Variants in RGS6 observed in about 807,000 individuals in gnomAD.
RGS6 encodes the protein regulator of G protein signaling 6, also known as regulator of G-protein signaling 6.
A neutral mutation model predicts 78.5 loss-of-function variants in RGS6; 30 were observed. The observed-to-expected ratio is 0.38, with a 90% confidence interval of 0.29 to 0.52. RGS6 has a LOEUF of 0.52. Among genes scored for constraint, RGS6 ranks in the 20% least tolerant of loss-of-function variants. The probability of loss-of-function intolerance (pLI) is 0.85; values close to 1 mark genes in which losing one functional copy is unlikely to be tolerated. For synonymous variants in RGS6, 206 were observed against 206.0 expected, an observed-to-expected ratio of 1.00 and a Z score of 0.00; for missense variants, 495 against 609.7, an observed-to-expected ratio of 0.81 and a Z score of 1.98.
chr14:71,914,938 C>T, the RGS6 span, among the ~76,000 whole-genome samples: 14 of 151,736 alleles, frequency 9.2e-5, no homozygotes, highest in Admixed American at 2.0e-4. Flanking sequence ...ACAGATGTGA[C>T]GTTCATCTGG....
intron 12 of RGS6, among the ~76,000 whole-genome samples, chr14:72,480,785 T>A (rs1441267602): frequency 1.3e-5 from 2 of 152,162 alleles, no homozygotes; most frequent in Non-Finnish European, 2.9e-5. Flanking sequence ...ATCCCCATCC[T>A]GATCTGGCTT....
chr14:72,440,484 G>A (rs544600104), intron 3 of RGS6, among the ~76,000 whole-genome samples: 29 of 148,588 alleles, frequency 2.0e-4, no homozygotes, highest in Admixed American at 5.4e-4. Flanking sequence ...GCATGATCTC[G>A]GCTCACTGCA....
chr14:72,016,645 G>A (rs985498466), intron 2 of RGS6, among the ~76,000 whole-genome samples: 4 of 152,184 alleles, frequency 2.6e-5, no homozygotes, highest in Non-Finnish European at 5.9e-5. Context: ...AATTACAGGC[G>A]TGAGCCACCG....
intron 2 of RGS6, among the ~76,000 whole-genome samples, chr14:72,228,224 C>CA (rs1193184877): frequency 6.6e-6 from 1 of 151,882 alleles, no homozygotes; most frequent in Non-Finnish European, 1.5e-5. Flanking sequence ...ACTAAAAATA[C>CA]AAAAAAATTA....
intron 15 of RGS6, among the ~76,000 whole-genome samples, chr14:72,523,092 C>T (rs1187126167): frequency 6.6e-6 from 1 of 152,214 alleles, no homozygotes; most frequent in Non-Finnish European, 1.5e-5. Context: ...AGGTGCAGTT[C>T]AGAAGTTCCC....
intron 2 of RGS6, among the ~76,000 whole-genome samples, chr14:72,314,822 A>T (rs2069642989): frequency 6.6e-6 from 1 of 152,220 alleles, no homozygotes; most frequent in Admixed American, 6.5e-5. Context: ...CTGAGAGAGA[A>T]CTTTCTACAA....
At chr14:72,034,104 G>A (rs1343529121) in intron 2 of RGS6, among the ~76,000 whole-genome samples, 1 of 152,110 alleles carries the variant, frequency 6.6e-6, no homozygotes, top group African/African-American at 2.4e-5. Context: ...CCAATTTTAA[G>A]ATTGGTTTAT....
At chr14:72,233,330 T>G (rs1386090202) in intron 2 of RGS6, among the ~76,000 whole-genome samples, 1 of 152,152 alleles carries the variant, frequency 6.6e-6, no homozygotes, top group Non-Finnish European at 1.5e-5. Context: ...CTCGAAGACC[T>G]TTATTTTCCA....
intron 3 of RGS6, among the ~76,000 whole-genome samples, chr14:72,435,008 C>CT (rs2094835148): frequency 2.6e-5 from 4 of 152,160 alleles, no homozygotes; most frequent in Admixed American, 2.6e-4. Flanking sequence ...TGAGTGAGTT[C>CT]TTTCTTTCAA....
At chr14:71,884,829 T>C in the RGS6 span, among the ~76,000 whole-genome samples, 3 of 152,208 alleles carry the variant, frequency 2.0e-5, no homozygotes, top group Non-Finnish European at 4.4e-5. Flanking sequence ...GGGCCAGAAC[T>C]AGGCACTAGG....
intron 2 of RGS6, among the ~76,000 whole-genome samples, chr14:72,276,561 C>G (rs896496018): frequency 1.3e-5 from 2 of 152,230 alleles, no homozygotes; most frequent in Non-Finnish European, 2.9e-5. Flanking sequence ...TCCCATAATT[C>G]CCATGTGTGG....
chr14:72,515,133 G>A (rs2153455091), intron 14 of RGS6, among the ~76,000 whole-genome samples: 1 of 152,294 alleles, frequency 6.6e-6, no homozygotes, highest in Middle Eastern at 3.4e-3. Flanking sequence ...CAACTCCAAG[G>A]CAGACAGAAG....
At chr14:72,267,796 G>A (rs2059305215) in intron 2 of RGS6, among the ~76,000 whole-genome samples, 1 of 152,174 alleles carries the variant, frequency 6.6e-6, no homozygotes, top group Admixed American at 6.5e-5. Context: ...CCTTCTTTCA[G>A]CCTACTGTAT....
Position 72,565,205 on chromosome 14 carries a change from A to ACTC in RGS6, c.*2743_*2745dup, listed in dbSNP as rs3832970. On this transcript the variant is annotated 3_prime_UTR_variant, in exon 18 of 18. Transcript: ENST00000553525. ...ACTGGGTGTGGTCTCTGGGCCTAGGACTCCTCCCTATGAGGAAAAGTGCTC... is the reference window on the plus strand; with the variant it reads ...ACTGGGTGTGGTCTCTGGGCCTAGGACTCCTCCTCCCTATGAGGAAAAGTGCTC... 0.1 allele frequency: 15,566 copies of ACTC among 151,550 alleles called. 1,000 individuals carry two copies. Among genetic ancestry groups the ACTC allele is most frequent in the South Asian group, 0.29 (1,377 of 4,786 alleles). 9.4% of individuals were successfully genotyped at this position (151,550 alleles called of 1,614,324 possible). A position where few individuals can be genotyped will look rare whatever the true frequency, so the allele number is the denominator to read the frequency against.
chr14:72,541,250 T>G lies in RGS6; in HGVS notation c.1422+1156T>G. The G allele has an allele frequency of 2.1e-6, 3 of 1,450,778 alleles. No homozygotes were observed. The Admixed American group carries it at 6.6e-5, about 32-fold the overall frequency. The allele number at this position is 1,450,778 out of a possible 1,614,324, so 89.9% of individuals were successfully genotyped here. A position where few individuals can be genotyped will look rare whatever the true frequency, so the allele number is the denominator to read the frequency against. ...CTACTGTGTGACTGGTATACGTATT[T>G]CATCCTTTTAAGAAAAAGTCTAAGG... On this transcript the variant is annotated intron_variant, in intron 17 of 17. Coordinates refer to ENST00000553525, the MANE Select transcript of RGS6 (RefSeq NM_001204424.2).
At chr14:72,275,796 A>G (rs1368405882) in intron 2 of RGS6, among the ~76,000 whole-genome samples, 1 of 152,204 alleles carries the variant, frequency 6.6e-6, no homozygotes, top group Admixed American at 6.5e-5. Flanking sequence ...ATATGTAAGG[A>G]ACATATTGGA....
intron 3 of RGS6, among the ~76,000 whole-genome samples, chr14:72,394,132 C>G (rs569496962): frequency 2.0e-5 from 3 of 152,244 alleles, no homozygotes; most frequent in African/African-American, 7.2e-5. Flanking sequence ...GAGTCCTTTT[C>G]TATTTTCCGT....
chr14:72,109,988 G>A (rs8004062), intron 2 of RGS6, among the ~76,000 whole-genome samples: 66,181 of 151,972 alleles, frequency 0.44, 14,589 homozygotes, highest in Admixed American at 0.47. Flanking sequence ...TCAAGAAAGT[G>A]GATTTGTTAC....
intron 1 of RGS6, among the ~76,000 whole-genome samples, chr14:71,939,608 A>G (rs1457502480): frequency 6.6e-6 from 1 of 152,256 alleles, no homozygotes; most frequent in African/African-American, 2.4e-5. Flanking sequence ...GGCATTTGCC[A>G]AGTCAATGGC....
Sources: allele counts gnomAD v4.1 joint callset (sites outside exome capture counted in the v4.1 genomes callset), GRCh38; gene constraint gnomAD v4.1.1; transcripts MANE v1.5; gene names NCBI Gene and HGNC (gene_info 2026-07-23, HGNC 2026-07-21).